The following SOHLH1 variants were observed in gnomAD, a reference collection of about 807,000 sequenced individuals.
SOHLH1 encodes the protein spermatogenesis- and oogenesis-specific basic helix-loop-helix-containing protein 1.
In SOHLH1, 23 loss-of-function variants were observed where a neutral mutation model predicts 36.2. That is an observed-to-expected ratio of 0.64 (90% CI 0.46 to 0.90). The LOEUF (loss-of-function observed/expected upper bound fraction) is 0.90. SOHLH1 is among the 40% of genes least tolerant of loss of function. The pLI, the probability that SOHLH1 is intolerant of heterozygous loss-of-function variation, is 0.00. For synonymous variants in SOHLH1, 289 were observed against 228.3 expected, an observed-to-expected ratio of 1.27 and a Z score of -2.40; for missense variants, 608 against 517.0, an observed-to-expected ratio of 1.18 and a Z score of -1.71.
chr9:135,700,586 G>A (rs1017613683), upstream of SOHLH1, among the ~76,000 whole-genome samples: 1 of 152,178 alleles, frequency 6.6e-6, no homozygotes, highest in Admixed American at 6.5e-5. Context: ...GCCACCACAC[G>A]GGGACGTCTG....
chr9:135,695,095 A>C lies in SOHLH1; in HGVS notation c.830T>G (p.Leu277Arg), dbSNP rs770040924. ...AGPLAMGAAPLGEPAKEDPML... is the reference protein window; with the variant it reads ...AGPLAMGAAPRGEPAKEDPML... ...GGGGTCCTCCTTGGCTGGCTCCCCC[A>C]GAGGTGCAGCCCCCATGGCCAGGGG... is the stretch of plus-strand genomic sequence containing the variant. Residue 277 changes from leucine (L) to arginine (R), a missense_variant, in exon 6 of 8, where the codon CTG (leucine) becomes CGG (arginine). Physicochemically the swap from Leu to Arg is moderately radical, Grantham distance 102 (BLOSUM62 -2). Transcript: ENST00000425225. The C allele has an allele frequency of 2.5e-6, 4 of 1,598,676 alleles. No homozygotes were observed. Among genetic ancestry groups the C allele is most frequent in the East Asian group, 4.5e-5 (2 of 44,228 alleles).
chr9:135,699,143 G>T lies in SOHLH1; in HGVS notation c.66-17C>A. 6.3e-7 allele frequency: 1 copy of T among 1,584,592 alleles called. No individual in the cohort carries two copies. Among genetic ancestry groups the T allele is most frequent in the South Asian group, 1.1e-5 (1 of 88,732 alleles). Reference sequence around the variant, plus strand: ...AGGGAGCCGCTGCCGAGAAAGCCAAGAGCACCGGGCCCTGAGAACCCCAGA... The same window carrying T: ...AGGGAGCCGCTGCCGAGAAAGCCAATAGCACCGGGCCCTGAGAACCCCAGA... On this transcript the variant is annotated splice_polypyrimidine_tract_variant and intron_variant, in intron 1 of 7. Coordinates refer to ENST00000425225, the MANE Select transcript of SOHLH1 (RefSeq NM_001101677.2).
chr9:135,698,929 C>T, intron 2 of SOHLH1, 66 bp downstream of exon 2: 3 of 1,608,630 alleles, frequency 1.9e-6, no homozygotes, highest in South Asian at 1.1e-5. Flanking sequence ...GTGGCAGCCC[C>T]GAACATAATC....
intron 5 of SOHLH1, among the ~76,000 whole-genome samples, chr9:135,696,008 C>T (rs519550): frequency 0.85 from 128,887 of 152,234 alleles, 55,755 homozygotes; most frequent in East Asian, 0.98. Context: ...ACACCAGCCA[C>T]AGGCGGGTGA....
At chr9:135,697,267 C>T (rs1431580179) in intron 4 of SOHLH1, among the ~76,000 whole-genome samples, 2 of 152,242 alleles carry the variant, frequency 1.3e-5, no homozygotes, top group Non-Finnish European at 2.9e-5. Context: ...GCACCTCCCA[C>T]CTCCACACCA....
Position 135,695,034 on chromosome 9 carries a change from C to T in SOHLH1, c.875+16G>A, listed in dbSNP as rs778297193. On this transcript the variant is annotated intron_variant, in intron 6 of 7. Coordinates refer to ENST00000425225, the MANE Select transcript of SOHLH1 (RefSeq NM_001101677.2). The stretch of plus-strand genomic sequence containing the variant: ...GCTCACGCACACACAGGCGTGCACA[C>T]CACCTGGGCACTCACCCGGCCTCCT... 1.6e-5 allele frequency: 25 copies of T among 1,581,634 alleles called. No individual in the cohort carries two copies. Among genetic ancestry groups the T allele is most frequent in the African/African-American group, 4.1e-5 (3 of 74,046 alleles).
At position 135,699,020 on chromosome 9, in the gene SOHLH1, T is replaced by A; in HGVS notation, c.172A>T (p.Asn58Tyr). 6.2e-7 allele frequency: 1 copy of A among 1,611,510 alleles called. No individual in the cohort carries two copies. Among genetic ancestry groups the A allele is most frequent in the Non-Finnish European group, 8.5e-7 (1 of 1,179,716 alleles). The change falls in exon 2 of 8, where the codon AAC (asparagine) becomes TAC (tyrosine). Residue 58 changes from asparagine to tyrosine, a missense_variant. By Grantham distance (143) the Asn-to-Tyr change is moderately radical. Coordinates refer to ENST00000425225, the MANE Select transcript of SOHLH1 (RefSeq NM_001101677.2). Reference sequence around the variant, plus strand: ...CTGCGCTCCCTCTCGCTGATCACGTTCCGCCGAAGGCAGGAGCTGGGACCC... The same window carrying A: ...CTGCGCTCCCTCTCGCTGATCACGTACCGCCGAAGGCAGGAGCTGGGACCC... ...AEGPSSCLRR[N>Y]VISERERRKR...
At chr9:135,694,345 C>T (rs770743087) in intron 7 of SOHLH1, 42 bp downstream of exon 7, 23 of 1,612,292 alleles carry the variant, frequency 1.4e-5, no homozygotes, top group South Asian at 1.3e-4. Flanking sequence ...ATATCAGGTG[C>T]TTACGCGGGG....
Position 135,695,203 on chromosome 9 carries a change from G to A in SOHLH1, c.722C>T (p.Pro241Leu), listed in dbSNP as rs1834743376. 1 of 1,605,350 alleles carries A rather than the reference G, an allele frequency of 6.2e-7. No individual in the cohort carries two copies. The highest frequency in any genetic ancestry group is 8.5e-7 in the Non-Finnish European group (1 of 1,177,514). Residue 241 changes from proline to leucine, a missense_variant, in exon 6 of 8, where the codon CCC (proline) becomes CTC (leucine). By Grantham distance (98) the Pro-to-Leu change is moderately conservative. Coordinates refer to ENST00000425225, the MANE Select transcript of SOHLH1 (RefSeq NM_001101677.2). The part of the protein sequence containing the change: ...GRSLPKAVRP[P>L]LSWPPFSQQQ... ...CTGCGAGAACGGAGGCCAGGACAGG[G>A]GTGGCCTCACAGCCTTAGGAAGACT...
rs752328830 is a variant in SOHLH1 at position 135,697,620 on chromosome 9, G to A, written c.353C>T (p.Ala118Val). The stretch of plus-strand genomic sequence containing the variant: ...CGAGTGCCACATTTCCTTGGAGGAA[G>A]CAAGAATCTGAAATTTAAGTAAACA... ...GPSQEQHAIL[A>V]SSKEMWHSLQ... Residue 118 changes from alanine (A) to valine (V), a missense_variant, in exon 4 of 8, where the codon GCT becomes GTT. By Grantham distance (64) the Ala-to-Val change is moderately conservative. Transcript: ENST00000425225. 18 of 1,611,336 alleles carry A rather than the reference G, an allele frequency of 1.1e-5. No individual in the cohort carries two copies. The highest frequency in any genetic ancestry group is 1.6e-4 in the Middle Eastern group (1 of 6,072).
upstream of SOHLH1, among the ~76,000 whole-genome samples, chr9:135,701,409 AC>A (rs1030028986): frequency 1.3e-5 from 2 of 152,164 alleles, no homozygotes; most frequent in Non-Finnish European, 2.9e-5. Context: ...GGCCTGGTCC[AC>A]CCTGCAAACC....
chr9:135,696,812 G>A lies in SOHLH1; in HGVS notation c.468-7C>T, dbSNP rs766463994. On this transcript the variant is annotated splice_region_variant and splice_polypyrimidine_tract_variant and intron_variant, in intron 4 of 7. Transcript: ENST00000425225. ...CGCCTTCACATCTGGGGTTCTAGAA[G>A]GAGCAACATGACAAGGATCCTGGGT... 5 of 1,612,716 alleles carry A rather than the reference G, an allele frequency of 3.1e-6. No homozygotes were observed. The African/African-American group carries it at 4.0e-5, about 13-fold the overall frequency.
rs1285065562 is a variant in SOHLH1 at position 135,696,904 on chromosome 9, A to T, written c.468-99T>A. The T allele has an allele frequency of 3.8e-6, 5 of 1,309,664 alleles. No individual in the cohort carries two copies. The East Asian group carries it at 1.3e-4, about 33-fold the overall frequency. The allele number at this position is 1,309,664 out of a possible 1,614,324, so 81.1% of individuals were successfully genotyped here. ...AGAGCAGAGGGCTGGACCCATCCCCAGGACACCCCAGGCACCACCCAGCAT... is the reference window on the plus strand; with the variant it reads ...AGAGCAGAGGGCTGGACCCATCCCCTGGACACCCCAGGCACCACCCAGCAT... On this transcript the variant is annotated intron_variant, in intron 4 of 7. Transcript: ENST00000425225.
intron 2 of SOHLH1, 121 bp from the exon 3 acceptor site, chr9:135,698,597 T>G: frequency 7.0e-7 from 1 of 1,421,594 alleles, no homozygotes; most frequent in Non-Finnish European, 9.8e-7. Flanking sequence ...GGCTACAAGA[T>G]GACTCAGAGC....
At chr9:135,695,338 A>C in intron 5 of SOHLH1, 75 bp from the exon 6 acceptor site, 2 of 1,421,660 alleles carry the variant, frequency 1.4e-6, no homozygotes, top group Non-Finnish European at 1.9e-6. Context: ...CTCGTGACTC[A>C]CGGGCTCGGT....
Position 135,697,506 on chromosome 9 carries a change from C to T in SOHLH1, c.467G>A (p.Arg156Gln), listed in dbSNP as rs1201816798. 4.3e-6 allele frequency: 7 copies of T among 1,609,760 alleles called. No individual in the cohort carries two copies. The African/African-American group carries it at 8.0e-5, about 18-fold the overall frequency. ...AGAGCGGGCCCCAGGAGACACTAACCGAGTCCCGCTGGACGCTCCCGTCCC... is the reference window on the plus strand; with the variant it reads ...AGAGCGGGCCCCAGGAGACACTAACTGAGTCCCGCTGGACGCTCCCGTCCC... ...DPGTGASSGTRTPDVKAFLES... is the reference protein window; with the variant it reads ...DPGTGASSGTQTPDVKAFLES... Residue 156 changes from arginine to glutamine, a missense_variant and splice_region_variant, in exon 4 of 8, where the codon CGA becomes CAA. Arg to Gln is a conservative substitution (Grantham distance 43). Transcript: ENST00000425225.
chr9:135,693,442 A>T lies in SOHLH1; in HGVS notation c.*155T>A. On this transcript the variant is annotated 3_prime_UTR_variant, in exon 8 of 8. Transcript: ENST00000425225. ...TCCAGGAAAACTGCTTTCCCTCTTT[A>T]ATATTCACTATCCTCTTCTCACAGC... is the stretch of plus-strand genomic sequence containing the variant. The T allele has an allele frequency of 9.3e-7, 1 of 1,078,314 alleles. No homozygotes were observed. The highest frequency in any genetic ancestry group is 1.3e-6 in the Non-Finnish European group (1 of 776,082). 66.8% of individuals were successfully genotyped at this position (1,078,314 alleles called of 1,614,324 possible).
intron 2 of SOHLH1, among the ~76,000 whole-genome samples, 161 bp downstream of exon 2, chr9:135,698,834 G>T (rs474061): frequency 6.6e-6 from 1 of 152,150 alleles, no homozygotes; most frequent in South Asian, 2.1e-4. Flanking sequence ...TTCCCCAACA[G>T]GGCTTTTCTG....
chr9:135,701,301 C>G (rs922154266), upstream of SOHLH1, among the ~76,000 whole-genome samples: 1 of 152,178 alleles, frequency 6.6e-6, no homozygotes, highest in Non-Finnish European at 1.5e-5. Context: ...TGGAGAGACA[C>G]TGGGGAGGCC....
Sources: gnomAD v4.1 joint callset for allele counts (sites outside exome capture counted in the v4.1 genomes callset) on GRCh38, gnomAD v4.1.1 for gene constraint, MANE v1.5 for transcripts, NCBI Gene and HGNC (gene_info 2026-07-23, HGNC 2026-07-21) for gene names.